MEX3D: variants seen among roughly 807,000 people sequenced by gnomAD.
MEX3D encodes RNA-binding protein MEX3D.
MEX3D carries 4 observed loss-of-function variants against 6.3 expected under a neutral mutation model. That is an observed-to-expected ratio of 0.64 (90% CI 0.31 to 1.46). MEX3D has a LOEUF of 1.46. Among genes scored for constraint, MEX3D ranks in the 40% most tolerant of loss-of-function variants. MEX3D has a pLI of 0.07. For missense variants in MEX3D, 1,038 were observed against 994.4 expected (o/e 1.04, Z -0.59); for synonymous variants, 626 against 494.1 (o/e 1.27, Z -3.54).
At chr19:1,559,341 C>G (rs1312150169) in intron 1 of MEX3D, among the ~76,000 whole-genome samples, 1 of 152,196 alleles carries the variant, frequency 6.6e-6, no homozygotes, top group African/African-American at 2.4e-5. Flanking sequence ...CCATGTTGGC[C>G]AGGCTGGTCT....
chr19:1,555,488 C>T lies in MEX3D; in HGVS notation c.*75G>A, dbSNP rs1224053723. On this transcript the variant is annotated 3_prime_UTR_variant, in exon 2 of 2. Transcript: ENST00000402693. ...TCGCCCCCTCCCCGTCCCTCTCCCA[C>T]CCCGGGTCCCGCCCCGTCTCCCGCG... 51 of 1,502,052 alleles carry T rather than the reference C, an allele frequency of 3.4e-5. No individual in the cohort carries two copies. The highest frequency in any genetic ancestry group is 3.2e-5 in the Non-Finnish European group (36 of 1,119,896). 93.0% of individuals were successfully genotyped at this position (1,502,052 alleles called of 1,614,324 possible). A position where few individuals can be genotyped will look rare whatever the true frequency, so the allele number is the denominator to read the frequency against.
At position 1,567,540 on chromosome 19, in the gene MEX3D, G is replaced by A. The variant is rs1399867351; in HGVS notation, c.519C>T (p.Arg173=). The A allele has an allele frequency of 4.5e-6, 7 of 1,559,638 alleles. No individual in the cohort carries two copies. In the South Asian group the frequency reaches 5.8e-5, roughly 13 times the overall value. ...ACTCGGTCATGTTGACGCTTTTCTT[G>A]CGGCTGCCGATCACGCTCATCTGGT... The part of the protein sequence containing the change: ...LADQMSVIGS[R]KKSVNMTECV... The change falls in exon 1 of 2, where the codon CGC becomes CGT. Residue 173 remains arginine, a synonymous_variant. Transcript: ENST00000402693. The surrounding 1 kb of genome is among the most constrained non-coding windows in gnomAD (Gnocchi z 6.5).
chr19:1,565,411 T>A (rs112426436), intron 1 of MEX3D, among the ~76,000 whole-genome samples: 2,833 of 152,102 alleles, frequency 0.019, 89 homozygotes, highest in African/African-American at 0.065. Flanking sequence ...GCGTGGTGGC[T>A]CACACTTGTA....
intron 1 of MEX3D, among the ~76,000 whole-genome samples, chr19:1,561,584 TC>T (rs1198065645): frequency 6.6e-6 from 1 of 152,026 alleles, no homozygotes; most frequent in Non-Finnish European, 1.5e-5. Context: ...CGTACGTAGT[TC>T]CGGCACTTTG....
In MEX3D at chr19:1,556,333, G is replaced by A; in HGVS notation, c.1186C>T (p.Leu396=). ...ATAGLRGDTA[L]GAPSAPEAFY... ...GCCTCGGGGGCGCTGGGGGCGCCCA[G>A]GGCCGTGTCCCCGCGGAGGCCGGCC... Residue 396 remains leucine, a synonymous_variant, in exon 2 of 2, where the codon CTG becomes TTG. Transcript: ENST00000402693. The surrounding 1 kb of genome is among the most constrained non-coding windows in gnomAD (Gnocchi z 7.5). 2 of 1,374,736 alleles carry A rather than the reference G, an allele frequency of 1.5e-6. No homozygotes were observed. Among genetic ancestry groups the A allele is most frequent in the South Asian group, 1.6e-5 (1 of 62,532 alleles). The allele number at this position is 1,374,736 out of a possible 1,614,324, so 85.2% of individuals were successfully genotyped here. A position where few individuals can be genotyped will look rare whatever the true frequency, so the allele number is the denominator to read the frequency against.
intron 1 of MEX3D, among the ~76,000 whole-genome samples, chr19:1,566,720 C>T (rs1005844700): frequency 1.3e-5 from 2 of 152,032 alleles, no homozygotes; most frequent in African/African-American, 2.4e-5. Context: ...GAGCAGCGGC[C>T]GGCCTGATGT....
chr19:1,562,713 A>AAAC (rs1025528604), intron 1 of MEX3D, among the ~76,000 whole-genome samples: 2 of 151,910 alleles, frequency 1.3e-5, no homozygotes, highest in Admixed American at 6.6e-5. Context: ...CAACAAAACA[A>AAAC]AACAACAACA....
intron 1 of MEX3D, among the ~76,000 whole-genome samples, 164 bp from the exon 2 acceptor site, chr19:1,557,087 TCA>T (rs1295015574): frequency 6.6e-6 from 1 of 152,176 alleles, no homozygotes. Flanking sequence ...TCCCTCAGCC[TCA>T]GTTTCCCCTC....
At position 1,555,171 on chromosome 19, in the gene MEX3D, C is replaced by T. The variant is rs915553831; in HGVS notation, c.*392G>A. 7.7e-6 allele frequency: 5 copies of T among 646,574 alleles called. No homozygotes were observed. Among genetic ancestry groups the T allele is most frequent in the Non-Finnish European group, 1.1e-5 (5 of 442,518 alleles). 40.1% of individuals were successfully genotyped at this position (646,574 alleles called of 1,614,324 possible). A position where few individuals can be genotyped will look rare whatever the true frequency, so the allele number is the denominator to read the frequency against. Reference sequence around the variant, plus strand: ...CGGCGAGAAAAGTCAAATCAGAAAACGGCTTCGGACGAAAGGAAAAAACGC... The same window carrying T: ...CGGCGAGAAAAGTCAAATCAGAAAATGGCTTCGGACGAAAGGAAAAAACGC... On this transcript the variant is annotated 3_prime_UTR_variant, in exon 2 of 2. Transcript: ENST00000402693.
rs377611608 is a variant in MEX3D, at chr19:1,557,294, G to A, written c.596-371C>T. Among the ~76,000 whole-genome samples, 25 of 152,266 alleles carry A rather than the reference G, an allele frequency of 1.6e-4. No individual in the cohort carries two copies. In the East Asian group the frequency reaches 4.2e-3, roughly 26 times the overall value. On this transcript the variant is annotated intron_variant, in intron 1 of 1. Transcript: ENST00000402693. ...TTAATACGTAGGGTCGGCTGGGCCCGTGGCTCACCCATGTAATCCCAGCAC... is the reference window on the plus strand; with the variant it reads ...TTAATACGTAGGGTCGGCTGGGCCCATGGCTCACCCATGTAATCCCAGCAC...
chr19:1,557,573 A>T (rs1253036245), intron 1 of MEX3D, among the ~76,000 whole-genome samples: 1 of 141,900 alleles, frequency 7.0e-6, no homozygotes, highest in Non-Finnish European at 1.5e-5. Flanking sequence ...CTAAAAAAAA[A>T]AAAAAAGCGG....
chr19:1,562,547 A>T (rs1007124052), intron 1 of MEX3D, among the ~76,000 whole-genome samples: 22 of 151,632 alleles, frequency 1.5e-4, no homozygotes, highest in African/African-American at 4.6e-4. Context: ...AAGAAAAGAA[A>T]ATTAGCTGGG....
At position 1,556,036 on chromosome 19, in the gene MEX3D, G is replaced by A. The variant is rs906821594; in HGVS notation, c.1483C>T (p.Pro495Ser). 4 of 1,309,864 alleles carry A rather than the reference G, an allele frequency of 3.1e-6. No homozygotes were observed. In the African/African-American group the frequency reaches 4.8e-5, roughly 16 times the overall value. The allele number at this position is 1,309,864 out of a possible 1,614,324, so 81.1% of individuals were successfully genotyped here. ...FSGCSTVNGA[P>S]GPPAAGARRS... ...CGGGCGCCGGCGGCGGGAGGTCCCG[G>A]GGCTCCGTTGACCGTGGAGCAGCCG... The change falls in exon 2 of 2, where the codon CCG (proline) becomes TCG (serine). Residue 495 changes from proline (P) to serine (S), a missense_variant. Around this residue, in one of 5 missense-constraint regions of MEX3D, gnomAD observed 581 missense variants for 516.2 expected, o/e 1.13. Transcript: ENST00000402693. This position sits in a 1 kb window ranked among gnomAD's most constrained non-coding sequence, Gnocchi z 7.5.
chr19:1,560,979 G>A (rs572579732), intron 1 of MEX3D, among the ~76,000 whole-genome samples: 9 of 152,192 alleles, frequency 5.9e-5, no homozygotes, highest in African/African-American at 1.7e-4. Context: ...GGGGGACACC[G>A]AAGGTTGGCA....
Position 1,556,938 on chromosome 19 carries a change from G to T in MEX3D, c.596-15C>A. On this transcript the variant is annotated splice_polypyrimidine_tract_variant and intron_variant, in intron 1 of 1. Coordinates refer to ENST00000402693, the MANE Select transcript of MEX3D (RefSeq NM_203304.4). The surrounding 1 kb of genome is among the most constrained non-coding windows in gnomAD (Gnocchi z 7.5). Reference sequence around the variant, plus strand: ...GATCTTGCAGCCTGTCCGGGAGGGAGGGGAAGGACAAGGTGACCCAGAGCC... The same window carrying T: ...GATCTTGCAGCCTGTCCGGGAGGGATGGGAAGGACAAGGTGACCCAGAGCC... 1 of 1,583,304 alleles carries T rather than the reference G, an allele frequency of 6.3e-7. No individual in the cohort carries two copies. Among genetic ancestry groups the T allele is most frequent in the South Asian group, 1.1e-5 (1 of 88,428 alleles).
chr19:1,566,282 A>G (rs897981134), intron 1 of MEX3D, among the ~76,000 whole-genome samples: 3 of 152,104 alleles, frequency 2.0e-5, no homozygotes, highest in Non-Finnish European at 4.4e-5. Flanking sequence ...GGGTCCCCAC[A>G]TGAGCTGGAC....
Position 1,556,124 on chromosome 19 carries a change from G to T in MEX3D, c.1395C>A (p.Thr465=). The T allele has an allele frequency of 2.7e-6, 4 of 1,463,188 alleles. No homozygotes were observed. Among genetic ancestry groups the T allele is most frequent in the Non-Finnish European group, 1.8e-6 (2 of 1,107,408 alleles). The allele number at this position is 1,463,188 out of a possible 1,614,324, so 90.6% of individuals were successfully genotyped here. ...FDFDFLALDL[T]VPAAATIWAP... ...CCCAGATGGTGGCCGCGGCGGGCAC[G>T]GTCAGGTCCAGCGCCAGGAAGTCGA... is the stretch of plus-strand genomic sequence containing the variant. The change falls in exon 2 of 2, where the codon ACC becomes ACA. Residue 465 remains threonine (T), a synonymous_variant. Coordinates refer to ENST00000402693, the MANE Select transcript of MEX3D (RefSeq NM_203304.4). This position sits in a 1 kb window ranked among gnomAD's most constrained non-coding sequence, Gnocchi z 7.5.
chr19:1,561,434 C>T (rs1435694475), intron 1 of MEX3D, among the ~76,000 whole-genome samples: 1 of 152,192 alleles, frequency 6.6e-6, no homozygotes, highest in Non-Finnish European at 1.5e-5. Context: ...CCGGGTGACG[C>T]GGGACAGCAG....
At chr19:1,558,209 C>A (rs1914626866) in intron 1 of MEX3D, among the ~76,000 whole-genome samples, 1 of 151,370 alleles carries the variant, frequency 6.6e-6, no homozygotes, top group African/African-American at 2.4e-5. Context: ...CAAACAACAA[C>A]AAAAAATTAG....
Sources: gnomAD v4.1 joint callset for allele counts (sites outside exome capture counted in the v4.1 genomes callset) on GRCh38, gnomAD v4.1.1 for gene constraint, gnomAD v4.1.1 regional missense constraint, Gnocchi (gnomAD v3.1) non-coding constraint, MANE v1.5 for transcripts, NCBI Gene and HGNC (gene_info 2026-07-23, HGNC 2026-07-21) for gene names.